Variants in SLC24A2 observed in about 807,000 individuals in gnomAD.
SLC24A2 encodes the protein solute carrier family 24 member 2.
SLC24A2 carries 36 observed loss-of-function variants against 62.0 expected under a neutral mutation model. That is an observed-to-expected ratio of 0.58 (90% confidence interval 0.44 to 0.77). SLC24A2 has a LOEUF of 0.77. Ranked by LOEUF, SLC24A2 falls within the 30% of genes least tolerant of loss-of-function variation. The pLI, the probability that SLC24A2 is intolerant of heterozygous loss-of-function variation, is 0.00. For missense variants in SLC24A2, 846 were observed against 817.9 expected, an observed-to-expected ratio of 1.03 and a Z score of -0.42; for synonymous variants, 358 against 294.0, an observed-to-expected ratio of 1.22 and a Z score of -2.23.
chr9:20,125,767 C>A, the SLC24A2 span, among the ~76,000 whole-genome samples: 6 of 152,176 alleles, frequency 3.9e-5, no homozygotes, highest in African/African-American at 1.4e-4. Context: ...ATTGGCAATT[C>A]CCCTCTGGCT....
At chr9:20,106,602 T>C in the SLC24A2 span, among the ~76,000 whole-genome samples, 4 of 152,098 alleles carry the variant, frequency 2.6e-5, no homozygotes, top group African/African-American at 9.7e-5. Flanking sequence ...AAAAACCACA[T>C]GATTATCTCA....
the SLC24A2 span, among the ~76,000 whole-genome samples, chr9:19,974,053 A>G: frequency 4.6e-5 from 7 of 152,170 alleles, no homozygotes; most frequent in African/African-American, 1.7e-4. Flanking sequence ...TTGGAGAGTC[A>G]TAAGAGGAAG....
chr9:19,542,908 G>C (rs1317715652), intron 8 of SLC24A2, among the ~76,000 whole-genome samples: 1 of 152,064 alleles, frequency 6.6e-6, no homozygotes, highest in Non-Finnish European at 1.5e-5. Context: ...TTTTTTTGTT[G>C]TGTCTCTGGC....
the SLC24A2 span, among the ~76,000 whole-genome samples, chr9:19,882,365 A>AT: frequency 1.6e-4 from 25 of 152,016 alleles, no homozygotes; most frequent in East Asian, 1.7e-3. Context: ...TAAGCATTGT[A>AT]TTTTTTTCCT....
At chr9:19,602,222 T>C (rs532344833) in intron 4 of SLC24A2, among the ~76,000 whole-genome samples, 1 of 152,334 alleles carries the variant, frequency 6.6e-6, no homozygotes, top group South Asian at 2.1e-4. Context: ...CAATATGTTG[T>C]TGTAAGGAGC....
intron 7 of SLC24A2, among the ~76,000 whole-genome samples, chr9:19,572,259 CAAAAAAA>C (rs34529143): frequency 1.4e-5 from 1 of 69,784 alleles, no homozygotes; most frequent in African/African-American, 6.1e-5. Flanking sequence ...GAGTCCGTCT[CAAAAAAA>C]AAAAAAAAAA....
At chr9:19,607,488 G>T (rs1837019461) in intron 4 of SLC24A2, among the ~76,000 whole-genome samples, 2 of 152,124 alleles carry the variant, frequency 1.3e-5, no homozygotes, top group South Asian at 4.1e-4. Context: ...AGGAGGCCAA[G>T]GCAGGTGGAT....
chr9:19,868,945 G>A, the SLC24A2 span, among the ~76,000 whole-genome samples: 1 of 151,946 alleles, frequency 6.6e-6, no homozygotes, highest in East Asian at 1.9e-4. Flanking sequence ...TTGAGTGGGT[G>A]TTTAGTTCAT....
the SLC24A2 span, among the ~76,000 whole-genome samples, chr9:19,958,901 G>A: frequency 1.3e-5 from 2 of 152,192 alleles, no homozygotes; most frequent in African/African-American, 4.8e-5. Context: ...CATTTTTGAG[G>A]CCCTGCTTTA....
the SLC24A2 span, among the ~76,000 whole-genome samples, chr9:19,806,949 T>C: frequency 5.9e-5 from 9 of 152,224 alleles, no homozygotes; most frequent in Non-Finnish European, 1.2e-4. Context: ...CTCCATCTGC[T>C]TTGAATTTTG....
At chr9:19,815,959 C>CTTTTT in the SLC24A2 span, among the ~76,000 whole-genome samples, 8 of 103,454 alleles carry the variant, frequency 7.7e-5, no homozygotes, top group Non-Finnish European at 1.3e-4. Flanking sequence ...TTTTTTGCCC[C>CTTTTT]TTTTTTTTTT....
intron 8 of SLC24A2, among the ~76,000 whole-genome samples, chr9:19,543,336 C>G (rs1834377276): frequency 2.0e-5 from 3 of 151,356 alleles, no homozygotes; most frequent in African/African-American, 7.3e-5. Flanking sequence ...ATTAGTCTGG[C>G]TAGCAGTCTA....
At chr9:20,201,747 TAG>T in the SLC24A2 span, among the ~76,000 whole-genome samples, 6 of 152,190 alleles carry the variant, frequency 3.9e-5, no homozygotes, top group African/African-American at 1.4e-4. Flanking sequence ...GCTTTGAGTT[TAG>T]AGAGAGGAGA....
the SLC24A2 span, among the ~76,000 whole-genome samples, chr9:20,224,053 CA>C: frequency 6.6e-6 from 1 of 151,908 alleles, no homozygotes; most frequent in African/African-American, 2.4e-5. Flanking sequence ...CTCACTATAA[CA>C]AAAACAGCAT....
At chr9:19,914,811 T>C in the SLC24A2 span, among the ~76,000 whole-genome samples, 1 of 152,080 alleles carries the variant, frequency 6.6e-6, no homozygotes, top group Non-Finnish European at 1.5e-5. Context: ...TCCTCCCCAG[T>C]GTCATGTGGA....
At chr9:20,104,701 A>G in the SLC24A2 span, among the ~76,000 whole-genome samples, 3 of 152,218 alleles carry the variant, frequency 2.0e-5, no homozygotes, top group South Asian at 2.1e-4. Flanking sequence ...TGAAGGAAGC[A>G]CTAAACATGG....
chr9:19,592,833 A>C (rs1836597894), intron 5 of SLC24A2, among the ~76,000 whole-genome samples: 1 of 152,194 alleles, frequency 6.6e-6, no homozygotes, highest in Admixed American at 6.5e-5. Flanking sequence ...AAAGTTGGAG[A>C]TTGCTCTTCC....
the SLC24A2 span, among the ~76,000 whole-genome samples, chr9:20,266,943 A>C: frequency 6.6e-6 from 1 of 152,018 alleles, no homozygotes; most frequent in Non-Finnish European, 1.5e-5. Flanking sequence ...TCAGCTAGGC[A>C]TAGTGGAACA....
chr9:20,205,929 G>T, the SLC24A2 span, among the ~76,000 whole-genome samples: 2 of 151,998 alleles, frequency 1.3e-5, no homozygotes, highest in African/African-American at 4.8e-5. Context: ...GATTTTTATT[G>T]TTATTATATT....
Sources: allele counts gnomAD v4.1 joint callset (sites outside exome capture counted in the v4.1 genomes callset), GRCh38; gene constraint gnomAD v4.1.1; transcripts MANE v1.5; gene names NCBI Gene and HGNC (gene_info 2026-07-23, HGNC 2026-07-21).